KLKB1: variants seen among roughly 807,000 people sequenced by gnomAD.
KLKB1 encodes the protein kallikrein B1.
KLKB1 carries 58 observed loss-of-function variants against 73.6 expected under a neutral mutation model. The ratio of observed to expected loss-of-function variants is 0.79; its 90% CI spans 0.64 to 0.98. The LOEUF is 0.98. Ranked by LOEUF, KLKB1 falls within the 50% of genes least tolerant of loss-of-function variation. KLKB1 has a pLI of 0.00. For synonymous variants in KLKB1, 280 were observed against 258.1 expected, an observed-to-expected ratio of 1.08 and a Z score of -0.81; for missense variants, 737 against 763.8, an observed-to-expected ratio of 0.96 and a Z score of 0.41.
intron 6 of KLKB1, among the ~76,000 whole-genome samples, chr4:186,245,129 T>G (rs1738261369): frequency 6.6e-6 from 1 of 151,950 alleles, no homozygotes; most frequent in South Asian, 2.1e-4. Context: ...AAGGAGTGCA[T>G]AAAAGAATGT....
chr4:186,233,229 T>A (rs559091359), intron 3 of KLKB1, among the ~76,000 whole-genome samples: 2 of 152,326 alleles, frequency 1.3e-5, no homozygotes, highest in African/African-American at 4.8e-5. Context: ...ACAATTTTTA[T>A]TAGGTCAGAG....
At chr4:186,257,023 G>T (rs1051174248) in intron 13 of KLKB1, among the ~76,000 whole-genome samples, 1 of 150,922 alleles carries the variant, frequency 6.6e-6, no homozygotes, top group Non-Finnish European at 1.5e-5. Flanking sequence ...GTGTGTGTGT[G>T]TAACACTACC....
rs1739136096 is a variant in KLKB1 at position 186,258,414 on chromosome 4, G to A, written c.*202G>A. The A allele has an allele frequency of 1.4e-5, 9 of 633,660 alleles. No individual in the cohort carries two copies. Among genetic ancestry groups the A allele is most frequent in the South Asian group, 1.3e-4 (7 of 55,500 alleles). The allele number at this position is 633,660 out of a possible 1,614,324, so 39.3% of individuals were successfully genotyped here. A position where few individuals can be genotyped will look rare whatever the true frequency, so the allele number is the denominator to read the frequency against. The stretch of plus-strand genomic sequence containing the variant: ...CGCCGTAACCAGGGGCTGACAATGC[G>A]AGGTCGCAACTGAGATCTCCATGAC... On this transcript the variant is annotated 3_prime_UTR_variant, in exon 15 of 15. Transcript: ENST00000264690.
intron 3 of KLKB1, among the ~76,000 whole-genome samples, chr4:186,232,824 A>G (rs1243904632): frequency 6.6e-6 from 1 of 152,114 alleles, no homozygotes; most frequent in Non-Finnish European, 1.5e-5. Flanking sequence ...GCATGATGCT[A>G]TGTATGGTGT....
intron 2 of KLKB1, among the ~76,000 whole-genome samples, chr4:186,214,116 C>T (rs550575954): frequency 4.9e-4 from 75 of 152,310 alleles, no homozygotes; most frequent in African/African-American, 1.8e-3. Flanking sequence ...TACAGTCCAT[C>T]TCTGTGGTGG....
chr4:186,219,755 A>G (rs1325713286), intron 2 of KLKB1, among the ~76,000 whole-genome samples: 1 of 152,070 alleles, frequency 6.6e-6, no homozygotes, highest in Non-Finnish European at 1.5e-5. Context: ...CCAAACATTC[A>G]TTCCTAAGGG....
At chr4:186,244,427 G>C (rs540849476) in intron 6 of KLKB1, among the ~76,000 whole-genome samples, 92 of 152,324 alleles carry the variant, frequency 6.0e-4, no homozygotes, top group Non-Finnish European at 9.4e-4. Context: ...ATAGGTAATG[G>C]ATGAGGAAGA....
At chr4:186,242,133 TTC>T (rs1738084649) in intron 6 of KLKB1, among the ~76,000 whole-genome samples, 1 of 144,272 alleles carries the variant, frequency 6.9e-6, no homozygotes, top group Admixed American at 7.0e-5. Flanking sequence ...AAGGGGGTTG[TTC>T]TCTGGCGGGC....
At chr4:186,226,663 A>G (rs991748729), upstream of KLKB1, among the ~76,000 whole-genome samples, 2 of 152,180 alleles carry the variant, frequency 1.3e-5, no homozygotes, top group African/African-American at 4.8e-5. Context: ...GTTCATGGGG[A>G]TAGGCCTGTT....
At chr4:186,214,530 A>G (rs1367309249) in intron 2 of KLKB1, among the ~76,000 whole-genome samples, 2 of 152,206 alleles carry the variant, frequency 1.3e-5, no homozygotes, top group African/African-American at 4.8e-5. Flanking sequence ...TTTAAATGCA[A>G]TACCATTTAA....
Position 186,245,808 on chromosome 4 carries a change from TTTTG to T in KLKB1, c.599-4427_599-4424del, listed in dbSNP as rs1738303155. 2.2e-5 allele frequency among the ~76,000 whole-genome samples: 2 copies of T among 89,522 alleles called. 1 individual carries two copies. Among genetic ancestry groups the T allele is most frequent in the African/African-American group, 8.7e-5 (2 of 23,082 alleles). The allele number at this position is 89,522 out of a possible 152,430, so 58.7% of individuals were successfully genotyped here. On this transcript the variant is annotated intron_variant, in intron 6 of 14. Coordinates refer to ENST00000264690, the MANE Select transcript of KLKB1 (RefSeq NM_000892.5). ...CTGGAATCTAATTTTTGGAGTTTTT[TTTTG>T]TTTGTTTTTTGGTTTTTTTTTTTTA... is the stretch of plus-strand genomic sequence containing the variant.
chr4:186,243,384 G>A (rs1738158062), intron 6 of KLKB1, among the ~76,000 whole-genome samples: 1 of 152,168 alleles, frequency 6.6e-6, no homozygotes, highest in South Asian at 2.1e-4. Flanking sequence ...TATTTGCCTT[G>A]TGTGGGAAGA....
intron 14 of KLKB1, among the ~76,000 whole-genome samples, 172 bp downstream of exon 14, chr4:186,257,537 A>G (rs1476971001): frequency 1.3e-5 from 2 of 152,062 alleles, no homozygotes; most frequent in African/African-American, 4.8e-5. Flanking sequence ...ATATATTTAT[A>G]TTATTTATGA....
upstream of KLKB1, among the ~76,000 whole-genome samples, chr4:186,225,063 G>A (rs780210203): frequency 1.2e-3 from 189 of 151,756 alleles, no homozygotes; most frequent in Admixed American, 5.0e-3. Context: ...GCCTTCCATC[G>A]TGATTATAAG....
chr4:186,239,609 G>T (rs1754075106), intron 6 of KLKB1, among the ~76,000 whole-genome samples: 1 of 146,540 alleles, frequency 6.8e-6, no homozygotes, highest in Admixed American at 6.8e-5. Flanking sequence ...TATAGTTATA[G>T]GAAACTAGTA....
At chr4:186,238,431 T>A in intron 6 of KLKB1, 66 bp downstream of exon 6, 9 of 1,087,712 alleles carry the variant, frequency 8.3e-6, no homozygotes, top group Non-Finnish European at 1.3e-5. Context: ...GAGACGTCCC[T>A]GTGCTGAGCC....
chr4:186,258,047 C>T lies in KLKB1; in HGVS notation c.1752C>T (p.Cys584=). 1 of 1,614,040 alleles carries T rather than the reference C, an allele frequency of 6.2e-7. No individual in the cohort carries two copies. Among genetic ancestry groups the T allele is most frequent in the Non-Finnish European group, 8.5e-7 (1 of 1,179,938 alleles). Residue 584 remains cysteine (C), a synonymous_variant, in exon 15 of 15, where the codon TGC becomes TGT. Coordinates refer to ENST00000264690, the MANE Select transcript of KLKB1 (RefSeq NM_000892.5). ...CKGDSGGPLV[C]KHNGMWRLVG... is the part of the protein sequence containing the mutation. ...GAGATTCAGGTGGTCCCTTAGTTTG[C>T]AAACACAATGGAATGTGGCGTTTGG...
chr4:186,212,715 CAT>C (rs1371625389), intron 2 of KLKB1: 1 of 152,200 alleles, frequency 6.6e-6, no homozygotes, highest in African/African-American at 2.4e-5. Flanking sequence ...GAGGGTAGGA[CAT>C]GTGTTCTTCA....
chr4:186,248,334 TCCTCCAATCC>T (rs1468434757), intron 6 of KLKB1, among the ~76,000 whole-genome samples: 3 of 152,034 alleles, frequency 2.0e-5, no homozygotes, highest in African/African-American at 7.2e-5. Flanking sequence ...CATTCCCTAC[TCCTCCAATCC>T]CCTGGCAACC....
Sources: allele counts gnomAD v4.1 joint callset (sites outside exome capture counted in the v4.1 genomes callset), GRCh38; gene constraint gnomAD v4.1.1; transcripts MANE v1.5; gene names NCBI Gene and HGNC (gene_info 2026-07-23, HGNC 2026-07-21).